HIVEP2: variants seen among roughly 807,000 people sequenced by gnomAD.
The protein encoded by HIVEP2 is transcription factor HIVEP2.
A neutral mutation model predicts 180.7 loss-of-function variants in HIVEP2; 14 were observed. The ratio of observed to expected loss-of-function variants is 0.08; its 90% CI spans 0.05 to 0.12. HIVEP2 has a LOEUF of 0.12. Among genes scored for constraint, HIVEP2 ranks in the 10% least tolerant of loss-of-function variants. The pLI, the probability that HIVEP2 is intolerant of heterozygous loss-of-function variation, is 1.00. For missense variants in HIVEP2, 2,579 were observed against 3,008.5 expected (o/e 0.86, Z 3.34); for synonymous variants, 1,184 against 1,136.4 (o/e 1.04, Z -0.84).
chr6:142,770,951 T>C lies in HIVEP2; in HGVS notation c.3788A>G (p.His1263Arg), dbSNP rs1775523179. 5.0e-6 allele frequency: 8 copies of C among 1,614,202 alleles called. No individual in the cohort carries two copies. The highest frequency in any genetic ancestry group is 6.8e-6 in the Non-Finnish European group (8 of 1,180,038). Residue 1263 changes from histidine to arginine, a missense_variant, in exon 5 of 10, where the codon CAC (histidine) becomes CGC (arginine). Transcript: ENST00000367603. This position sits in a 1 kb window ranked among gnomAD's most constrained non-coding sequence, Gnocchi z 4.7. ...ATACTCAGCAGGTTTCTTTCCAGTGTGCTCTGCCACATGCTCTAAGGGATA... is the reference window on the plus strand; with the variant it reads ...ATACTCAGCAGGTTTCTTTCCAGTGCGCTCTGCCACATGCTCTAAGGGATA... ...SSYPLEHVAE[H>R]TGKKPAEYAH...
chr6:142,844,325 G>C (rs1283125581), intron 1 of HIVEP2, among the ~76,000 whole-genome samples: 10 of 151,978 alleles, frequency 6.6e-5, no homozygotes, highest in Admixed American at 6.6e-4. Flanking sequence ...ATTGCAGAGG[G>C]ATGAGCATAC....
chr6:142,764,589 C>A (rs1473909147), intron 7 of HIVEP2, among the ~76,000 whole-genome samples: 1 of 152,198 alleles, frequency 6.6e-6, no homozygotes, highest in African/African-American at 2.4e-5. Flanking sequence ...GGACCTATGT[C>A]TACTGCTCTT....
chr6:142,814,011 G>A (rs977535104), intron 2 of HIVEP2, among the ~76,000 whole-genome samples: 3 of 151,824 alleles, frequency 2.0e-5, no homozygotes, highest in Admixed American at 6.6e-5. Flanking sequence ...AGCTAGACAG[G>A]TGAAAAATAA....
chr6:142,837,068 A>G (rs565714046), intron 1 of HIVEP2, 21 bp from the exon 2 acceptor site: 1 of 152,248 alleles, frequency 6.6e-6, no homozygotes, highest in South Asian at 2.1e-4. Context: ...AAAAACAAAG[A>G]ACTACATTTA....
intron 1 of HIVEP2, among the ~76,000 whole-genome samples, chr6:142,910,781 G>A (rs2128429477): frequency 6.6e-6 from 1 of 152,300 alleles, no homozygotes; most frequent in South Asian, 2.1e-4. Context: ...ACCGGCAGCA[G>A]AATTACCTAA....
intron 3 of HIVEP2, among the ~76,000 whole-genome samples, chr6:142,776,600 T>C (rs1434512030): frequency 1.3e-5 from 2 of 148,712 alleles, no homozygotes; most frequent in African/African-American, 4.9e-5. Flanking sequence ...GTGCAATCAC[T>C]GCTCACTGCA....
At chr6:142,864,324 G>A (rs1776080486) in intron 1 of HIVEP2, among the ~76,000 whole-genome samples, 1 of 152,078 alleles carries the variant, frequency 6.6e-6, no homozygotes, top group African/African-American at 2.4e-5. Context: ...GCCTAGAAAC[G>A]GAGGGTAAAG....
intron 9 of HIVEP2, among the ~76,000 whole-genome samples, chr6:142,754,744 TATC>T (rs1775021404): frequency 1.3e-5 from 2 of 152,360 alleles, no homozygotes; most frequent in South Asian, 4.1e-4. Flanking sequence ...TTGTTCATAT[TATC>T]ATTTCCACCT....
intron 1 of HIVEP2, among the ~76,000 whole-genome samples, chr6:142,894,115 T>G (rs1170172451): frequency 6.6e-6 from 1 of 152,204 alleles, no homozygotes; most frequent in East Asian, 1.9e-4. Flanking sequence ...ATATAATCAA[T>G]AAATAGTAGA....
intron 1 of HIVEP2, among the ~76,000 whole-genome samples, chr6:142,873,632 A>G (rs905020552): frequency 2.0e-5 from 3 of 152,178 alleles, no homozygotes; most frequent in Non-Finnish European, 4.4e-5. Flanking sequence ...ATTGAGAGAA[A>G]TACACCATTT....
At chr6:142,765,859 A>G (rs999378947) in intron 6 of HIVEP2, among the ~76,000 whole-genome samples, 1 of 152,218 alleles carries the variant, frequency 6.6e-6, no homozygotes, top group African/African-American at 2.4e-5. Flanking sequence ...CATAAGATAT[A>G]GTAGTAGTAT....
chr6:142,926,130 CTTTT>C (rs908555965), intron 1 of HIVEP2, among the ~76,000 whole-genome samples: 17 of 152,180 alleles, frequency 1.1e-4, no homozygotes, highest in African/African-American at 3.9e-4. Context: ...CAAATTTAAA[CTTTT>C]TTTAAATTTA....
At position 142,865,626 on chromosome 6, in the gene HIVEP2, C is replaced by T. The variant is rs77474497; in HGVS notation, c.-640-28579G>A. 1.0e-2 allele frequency among the ~76,000 whole-genome samples: 1,514 copies of T among 152,070 alleles called. 21 individuals are homozygous for T. The highest frequency in any genetic ancestry group is 0.012 in the South Asian group (60 of 4,818). On this transcript the variant is annotated intron_variant, in intron 1 of 9. Transcript: ENST00000367603. ...ATAAATTATAATGACATTTTAATTA[C>T]TTTTTTAATGTGCACACTTAAAAGA...
intron 2 of HIVEP2, among the ~76,000 whole-genome samples, chr6:142,800,276 T>C: frequency 6.6e-6 from 1 of 152,118 alleles, no homozygotes; most frequent in Non-Finnish European, 1.5e-5. Flanking sequence ...TTAACAACCA[T>C]GGTATCATAT....
At chr6:142,804,611 C>A (rs1359004373) in intron 2 of HIVEP2, among the ~76,000 whole-genome samples, 4 of 152,006 alleles carry the variant, frequency 2.6e-5, no homozygotes, top group African/African-American at 9.7e-5. Flanking sequence ...TGCCAGCATA[C>A]TTCTGTCAAC....
chr6:142,766,362 G>A lies in HIVEP2; in HGVS notation c.5343-1388C>T, dbSNP rs142112837. On this transcript the variant is annotated intron_variant, in intron 6 of 9. Coordinates refer to ENST00000367603, the MANE Select transcript of HIVEP2 (RefSeq NM_006734.4). ...TTACCAGGAATTTTGACTTCCACTT[G>A]TTCTTCAAAATTATTTTGAATTTTA... is the stretch of plus-strand genomic sequence containing the variant. 2.7e-3 allele frequency among the ~76,000 whole-genome samples: 413 copies of A among 151,980 alleles called. 1 individual carries two copies. Among genetic ancestry groups the A allele is most frequent in the African/African-American group, 9.6e-3 (398 of 41,456 alleles).
chr6:142,753,847 G>A lies in HIVEP2; in HGVS notation c.6601C>T (p.Leu2201Phe), dbSNP rs1435738912. 1 of 1,613,690 alleles carries A rather than the reference G, an allele frequency of 6.2e-7. No individual in the cohort carries two copies. Among genetic ancestry groups the A allele is most frequent in the African/African-American group, 1.3e-5 (1 of 74,908 alleles). ...EGAYEHPGSS[L>F]FPEGPNDYVF... is the part of the protein sequence containing the mutation. Reference sequence around the variant, plus strand: ...TAGTCATTAGGACCCTCAGGGAAAAGGCTGGAGCCTGGATGTTCATAAGCA... The same window carrying A: ...TAGTCATTAGGACCCTCAGGGAAAAAGCTGGAGCCTGGATGTTCATAAGCA... The change falls in exon 10 of 10, where the codon CTT becomes TTT. Residue 2201 changes from leucine (L) to phenylalanine (F), a missense_variant. This residue lies in a region of HIVEP2 where 660 missense variants were observed against 731.7 expected (regional missense o/e 0.90). Coordinates refer to ENST00000367603, the MANE Select transcript of HIVEP2 (RefSeq NM_006734.4).
At chr6:142,923,740 T>C (rs1205930491) in intron 1 of HIVEP2, among the ~76,000 whole-genome samples, 1 of 152,168 alleles carries the variant, frequency 6.6e-6, no homozygotes, top group Non-Finnish European at 1.5e-5. Context: ...ACAGGTCACA[T>C]GCCCACAAAG....
chr6:142,857,048 G>T (rs1384559171), intron 1 of HIVEP2, among the ~76,000 whole-genome samples: 2 of 152,124 alleles, frequency 1.3e-5, no homozygotes, highest in African/African-American at 4.8e-5. Flanking sequence ...GTTCAGAAAC[G>T]TAGTGGTGAT....
Sources: gnomAD v4.1 joint callset for allele counts (sites outside exome capture counted in the v4.1 genomes callset) on GRCh38, gnomAD v4.1.1 for gene constraint, gnomAD v4.1.1 regional missense constraint, Gnocchi (gnomAD v3.1) non-coding constraint, MANE v1.5 for transcripts, NCBI Gene and HGNC (gene_info 2026-07-23, HGNC 2026-07-21) for gene names.